The following ANKRD31 variants were observed in gnomAD, a reference collection of about 807,000 sequenced individuals.
ANKRD31 encodes the protein ankyrin repeat domain 31, also known as ankyrin repeat domain-containing protein 31.
Under a neutral mutation model 186.0 loss-of-function variants are expected in ANKRD31, and 147 were observed. That is an observed-to-expected ratio of 0.79 (90% confidence interval 0.69 to 0.91). ANKRD31 has a LOEUF of 0.91. ANKRD31 is among the 40% of genes least tolerant of loss of function. The probability of loss-of-function intolerance (pLI) is 0.00; values close to 1 mark genes in which losing one functional copy is unlikely to be tolerated. For missense variants in ANKRD31, 1,986 were observed against 2,148.8 expected, an observed-to-expected ratio of 0.92 and a Z score of 1.50; for synonymous variants, 673 against 736.4, an observed-to-expected ratio of 0.91 and a Z score of 1.39.
intron 10 of ANKRD31, among the ~76,000 whole-genome samples, chr5:75,182,702 A>T (rs1252209054): frequency 1.3e-5 from 2 of 151,670 alleles, no homozygotes; most frequent in Non-Finnish European, 2.9e-5. Flanking sequence ...CTGGGTGACA[A>T]GAGTGAGAGT....
chr5:75,235,380 A>G (rs1039793372), intron 1 of ANKRD31, among the ~76,000 whole-genome samples: 1 of 151,838 alleles, frequency 6.6e-6, no homozygotes, highest in Admixed American at 6.6e-5. Context: ...TTTTTTAAAA[A>G]CTACTCGAGA....
At position 75,115,043 on chromosome 5, in the gene ANKRD31, T is replaced by C. The variant is rs1391790023; in HGVS notation, c.4155+1523A>G. ...CTACAGTAACCAAAACAGCATGGTA[T>C]TGGTACCAAAACAGAGATATAGATC... On this transcript the variant is annotated intron_variant, in intron 19 of 25. Coordinates refer to ENST00000506364, the MANE Select transcript of ANKRD31 (RefSeq NM_001372053.1). Among the ~76,000 whole-genome samples, 425 of 151,886 alleles carry C rather than the reference T, an allele frequency of 2.8e-3. 2 individuals are homozygous for C. Among genetic ancestry groups the C allele is most frequent in the African/African-American group, 9.0e-3 (372 of 41,406 alleles).
In ANKRD31 at chr5:75,201,373, T is replaced by G. The variant is rs1193208962; in HGVS notation, c.404-1699A>C. On this transcript the variant is annotated intron_variant, in intron 5 of 25. Coordinates refer to ENST00000506364, the MANE Select transcript of ANKRD31 (RefSeq NM_001372053.1). ...ATGACATATTTCATTGTGTGTATCT[T>G]ACTTAACATTTTATATCTCTACTTG... Among the ~76,000 whole-genome samples, 5 of 152,226 alleles carry G rather than the reference T, an allele frequency of 3.3e-5. No homozygotes were observed. In the East Asian group the frequency reaches 9.6e-4, roughly 29 times the overall value.
Position 75,152,058 on chromosome 5 carries a change from C to T in ANKRD31, c.1852+2143G>A, listed in dbSNP as rs913901345. Among the ~76,000 whole-genome samples the T allele has an allele frequency of 4.6e-5, 7 of 152,008 alleles. No homozygotes were observed. In the East Asian group the frequency reaches 1.2e-3, roughly 25 times the overall value. On this transcript the variant is annotated intron_variant, in intron 12 of 25. Transcript: ENST00000506364. ...AGAGAGCATCTGTTGTTTTGCCTGC[C>T]CAGCACATAACCTCATAGGCAGCTC...
chr5:75,124,784 G>C (rs1222236670), intron 17 of ANKRD31, among the ~76,000 whole-genome samples: 3 of 151,944 alleles, frequency 2.0e-5, no homozygotes, highest in African/African-American at 7.2e-5. Flanking sequence ...TACATGGACA[G>C]AGTGTGGAAT....
intron 5 of ANKRD31, among the ~76,000 whole-genome samples, chr5:75,204,475 T>C (rs1756021218): frequency 6.6e-6 from 1 of 152,240 alleles, no homozygotes; most frequent in African/African-American, 2.4e-5. Context: ...AAGTTTTACT[T>C]GGTTGGTGTT....
chr5:75,177,139 G>A (rs935160441), intron 10 of ANKRD31, among the ~76,000 whole-genome samples: 1 of 152,164 alleles, frequency 6.6e-6, no homozygotes, highest in Admixed American at 6.5e-5. Flanking sequence ...ATCAGCGATG[G>A]AAGACGAAAT....
At chr5:75,215,168 C>G (rs1422702) in intron 3 of ANKRD31, among the ~76,000 whole-genome samples, 35,932 of 151,994 alleles carry the variant, frequency 0.24, 5,990 homozygotes, top group African/African-American at 0.48. Flanking sequence ...AATCTAAAGA[C>G]AGTCTGCTGT....
chr5:75,231,642 C>G (rs553758413), intron 1 of ANKRD31, among the ~76,000 whole-genome samples: 1 of 152,016 alleles, frequency 6.6e-6, no homozygotes. Context: ...AACAAGTACA[C>G]GAAACGAAAA....
chr5:75,072,881 A>C (rs1033004893), intron 25 of ANKRD31, among the ~76,000 whole-genome samples: 1 of 152,246 alleles, frequency 6.6e-6, no homozygotes, highest in African/African-American at 2.4e-5. Context: ...GAATACACAC[A>C]GAAATATCCA....
chr5:75,084,618 A>T (rs1359400676), intron 23 of ANKRD31, among the ~76,000 whole-genome samples: 6 of 152,198 alleles, frequency 3.9e-5, no homozygotes, highest in Non-Finnish European at 8.8e-5. Context: ...AACATAATTG[A>T]CACAGACCAC....
chr5:75,133,688 C>G (rs879211235), intron 17 of ANKRD31, among the ~76,000 whole-genome samples: 1 of 152,196 alleles, frequency 6.6e-6, no homozygotes, highest in Non-Finnish European at 1.5e-5. Flanking sequence ...ACAGAACTCT[C>G]CACCCCAAAT....
chr5:75,151,300 G>A (rs1751823814), intron 12 of ANKRD31, among the ~76,000 whole-genome samples: 1 of 151,912 alleles, frequency 6.6e-6, no homozygotes, highest in African/African-American at 2.4e-5. Context: ...ACCCAGCTGG[G>A]AAGGAGATTG....
chr5:75,200,448 C>A lies in ANKRD31; in HGVS notation c.404-774G>T, dbSNP rs535415898. Among the ~76,000 whole-genome samples, 4 of 151,882 alleles carry A rather than the reference C, an allele frequency of 2.6e-5. No homozygotes were observed. In the South Asian group the frequency reaches 6.2e-4, roughly 24 times the overall value. On this transcript the variant is annotated intron_variant, in intron 5 of 25. Transcript: ENST00000506364. ...GAGTAGCTGGGATTACAGGCATGCACCACCATGCCCAGCTAATTTTTGTAT... is the reference window on the plus strand; with the variant it reads ...GAGTAGCTGGGATTACAGGCATGCAACACCATGCCCAGCTAATTTTTGTAT...
At chr5:75,116,271 A>C (rs1477013982) in intron 19 of ANKRD31, among the ~76,000 whole-genome samples, 1 of 67,392 alleles carries the variant, frequency 1.5e-5, no homozygotes. Flanking sequence ...GGGTGGGGGG[A>C]GGGGGGAGGG....
intron 18 of ANKRD31, 33 bp downstream of exon 18, chr5:75,118,102 T>A (rs764156226): frequency 5.2e-6 from 7 of 1,337,904 alleles, no homozygotes; most frequent in Non-Finnish European, 6.7e-6. Flanking sequence ...GATATATCTC[T>A]ATATAAAATA....
chr5:75,229,864 CAAAAAA>C (rs1210080751), intron 2 of ANKRD31, among the ~76,000 whole-genome samples: 1 of 37,852 alleles, frequency 2.6e-5, no homozygotes, highest in African/African-American at 1.1e-4. Flanking sequence ...GACTCTGTCT[CAAAAAA>C]AAAAAAAAAA....
intron 20 of ANKRD31, among the ~76,000 whole-genome samples, chr5:75,112,284 CA>C (rs1457559388): frequency 6.6e-6 from 1 of 152,114 alleles, no homozygotes; most frequent in Non-Finnish European, 1.5e-5. Context: ...TACTGGTTTG[CA>C]TCATGATAAA....
Position 75,116,637 on chromosome 5 carries a change from A to G in ANKRD31, c.4084T>C (p.Cys1362Arg). The change falls in exon 19 of 26, where the codon TGT (cysteine) becomes CGT (arginine). Residue 1362 changes from cysteine (C) to arginine (R), a missense_variant. By Grantham distance (180) the Cys-to-Arg change is radical. Coordinates refer to ENST00000506364, the MANE Select transcript of ANKRD31 (RefSeq NM_001372053.1). ...GAGTCAATAGTTTTGCCATCATCAC[A>G]AAAACACTGTTTATGTCTTTTAGAC... ...VRSKRHKQCF[C>R]DDGKTIDSSS... 1 of 1,456,450 alleles carries G rather than the reference A, an allele frequency of 6.9e-7. No individual in the cohort carries two copies. The highest frequency in any genetic ancestry group is 9.1e-7 in the Non-Finnish European group (1 of 1,097,770). 90.2% of individuals were successfully genotyped at this position (1,456,450 alleles called of 1,614,324 possible).
Sources: allele counts gnomAD v4.1 joint callset (sites outside exome capture counted in the v4.1 genomes callset), GRCh38; gene constraint gnomAD v4.1.1; transcripts MANE v1.5; gene names NCBI Gene and HGNC (gene_info 2026-07-23, HGNC 2026-07-21).